Variants in ESRP1 observed in about 807,000 individuals in gnomAD.
ESRP1 encodes RNA-binding motif protein 35A.
Under a neutral mutation model 81.7 loss-of-function variants are expected in ESRP1, and 33 were observed. The observed-to-expected ratio is 0.40, with a 90% CI of 0.31 to 0.54. The LOEUF is 0.54. Ranked by LOEUF, ESRP1 falls within the 20% of genes least tolerant of loss-of-function variation. The pLI is 0.41. For synonymous variants in ESRP1, 320 were observed against 303.3 expected (o/e 1.06, Z -0.57); for missense variants, 672 against 833.1 (o/e 0.81, Z 2.38).
chr8:94,690,416 A>T (rs1775912660), intron 13 of ESRP1, among the ~76,000 whole-genome samples: 1 of 150,188 alleles, frequency 6.7e-6, no homozygotes, highest in Non-Finnish European at 1.5e-5. Context: ...CACAGGTATG[A>T]GCCACTGCAC....
At chr8:94,693,117 G>C (rs888097000) in intron 14 of ESRP1, among the ~76,000 whole-genome samples, 2 of 152,188 alleles carry the variant, frequency 1.3e-5, no homozygotes, top group Non-Finnish European at 2.9e-5. Context: ...AGGACATGCA[G>C]CAGTATGAGT....
chr8:94,699,879 C>T (rs983847850), intron 15 of ESRP1, among the ~76,000 whole-genome samples: 1 of 142,662 alleles, frequency 7.0e-6, no homozygotes, highest in African/African-American at 2.8e-5. Context: ...TTGTTTCTTT[C>T]CCCTTAACCT....
intron 3 of ESRP1, among the ~76,000 whole-genome samples, chr8:94,644,841 A>T (rs1817766355): frequency 1.3e-5 from 2 of 152,248 alleles, no homozygotes; most frequent in African/African-American, 2.4e-5. Context: ...AAAACATGAA[A>T]TAATCCTGCC....
chr8:94,661,134 G>T (rs1467454187), intron 4 of ESRP1, among the ~76,000 whole-genome samples: 1 of 152,092 alleles, frequency 6.6e-6, no homozygotes, highest in East Asian at 1.9e-4. Flanking sequence ...TCCACCTCCC[G>T]GGTTCAAGCG....
chr8:94,646,466 A>T (rs575910984), intron 4 of ESRP1, 184 bp downstream of exon 4: 3 of 486,976 alleles, frequency 6.2e-6, no homozygotes, highest in Admixed American at 3.8e-5. Context: ...GTTATAATTA[A>T]TCAGATGGTT....
intron 3 of ESRP1, among the ~76,000 whole-genome samples, chr8:94,645,132 G>A (rs2130532557): frequency 6.6e-6 from 1 of 152,184 alleles, no homozygotes; most frequent in African/African-American, 2.4e-5. Context: ...GAGGTTTCAT[G>A]GTTCTTTTGG....
chr8:94,654,712 A>C (rs1423295564), intron 4 of ESRP1, among the ~76,000 whole-genome samples: 1 of 152,100 alleles, frequency 6.6e-6, no homozygotes, highest in Non-Finnish European at 1.5e-5. Context: ...ACTGGAGCCC[A>C]GAAGTTCAGG....
intron 13 of ESRP1, among the ~76,000 whole-genome samples, chr8:94,678,969 A>G (rs1370443380): frequency 2.0e-5 from 3 of 152,188 alleles, no homozygotes; most frequent in African/African-American, 7.2e-5. Flanking sequence ...GGGAGTTGGG[A>G]GACTGAATGT....
intron 10 of ESRP1, among the ~76,000 whole-genome samples, chr8:94,670,314 TTATC>T (rs1377071572): frequency 4.6e-5 from 7 of 152,218 alleles, no homozygotes; most frequent in African/African-American, 1.4e-4. Flanking sequence ...TGTCCTGAGT[TTATC>T]TATTACTACA....
rs760074990 is a variant in ESRP1, at chr8:94,674,521, G to A, written c.1651+15G>A. ...TAAGTTACCATGTAAGTTTTTCTTG[G>A]GTCTTGGCGCTATTCTACGCTATAT... On this transcript the variant is annotated intron_variant, in intron 12 of 15. Coordinates refer to ENST00000433389, the MANE Select transcript of ESRP1 (RefSeq NM_017697.4). 1.2e-6 allele frequency: 2 copies of A among 1,609,714 alleles called. No homozygotes were observed. Among genetic ancestry groups the A allele is most frequent in the Admixed American group, 3.4e-5 (2 of 59,132 alleles).
At chr8:94,672,495 A>G (rs1316331626) in intron 11 of ESRP1, among the ~76,000 whole-genome samples, 1 of 152,080 alleles carries the variant, frequency 6.6e-6, no homozygotes, top group Non-Finnish European at 1.5e-5. Flanking sequence ...ATACAATTCT[A>G]CAAACCCATA....
intron 13 of ESRP1, among the ~76,000 whole-genome samples, chr8:94,685,048 T>C (rs1156279093): frequency 6.6e-6 from 1 of 151,704 alleles, no homozygotes; most frequent in African/African-American, 2.4e-5. Flanking sequence ...CATATATATC[T>C]ATATATGGCA....
At chr8:94,655,950 C>T (rs1818388332) in intron 4 of ESRP1, 1 of 152,072 alleles carries the variant, frequency 6.6e-6, no homozygotes, top group Non-Finnish European at 1.5e-5. Flanking sequence ...CCAGCTACTC[C>T]AGAGGCTGAA....
chr8:94,704,451 A>AAT (rs764620328), intron 15 of ESRP1, among the ~76,000 whole-genome samples: 20 of 151,908 alleles, frequency 1.3e-4, no homozygotes, highest in Non-Finnish European at 2.5e-4. Context: ...CCATCTCTAA[A>AAT]ATATATATAT....
chr8:94,654,021 A>C (rs771653838), intron 4 of ESRP1, among the ~76,000 whole-genome samples: 2 of 152,168 alleles, frequency 1.3e-5, no homozygotes, highest in Non-Finnish European at 2.9e-5. Flanking sequence ...GGTTTGTTTT[A>C]ATTATAAAAT....
chr8:94,678,547 T>C (rs559828867), intron 13 of ESRP1, among the ~76,000 whole-genome samples, 176 bp downstream of exon 13: 5 of 152,366 alleles, frequency 3.3e-5, no homozygotes, highest in African/African-American at 1.2e-4. Flanking sequence ...AAAAGCAGTA[T>C]AGTTTTTAAC....
At chr8:94,657,206 T>G (rs969019271) in intron 4 of ESRP1, among the ~76,000 whole-genome samples, 1 of 152,252 alleles carries the variant, frequency 6.6e-6, no homozygotes, top group African/African-American at 2.4e-5. Flanking sequence ...ATTTCTCATT[T>G]GTGAAGCTGG....
At chr8:94,657,925 G>T (rs1385362731) in intron 4 of ESRP1, among the ~76,000 whole-genome samples, 1 of 152,078 alleles carries the variant, frequency 6.6e-6, no homozygotes, top group Non-Finnish European at 1.5e-5. Context: ...CCAGTGGTTT[G>T]TTTGCGATGG....
intron 4 of ESRP1, among the ~76,000 whole-genome samples, chr8:94,651,004 CT>C (rs888973188): frequency 6.6e-6 from 1 of 152,128 alleles, no homozygotes; most frequent in Non-Finnish European, 1.5e-5. Context: ...CACTCCTAGC[CT>C]AGGTTTTTTA....
Sources: allele counts gnomAD v4.1 joint callset (sites outside exome capture counted in the v4.1 genomes callset), GRCh38; gene constraint gnomAD v4.1.1; transcripts MANE v1.5; gene names NCBI Gene and HGNC (gene_info 2026-07-23, HGNC 2026-07-21).